ASTN1: variants seen among roughly 807,000 people sequenced by gnomAD.
ASTN1 encodes the protein astrotactin 1, also known as astrotactin-1.
A neutral mutation model predicts 140.7 loss-of-function variants in ASTN1; 41 were observed. The observed-to-expected ratio is 0.29, with a 90% CI of 0.23 to 0.38. ASTN1 has a LOEUF of 0.38. ASTN1 is among the 10% of genes least tolerant of loss of function. The pLI is 1.00. For synonymous variants in ASTN1, 640 were observed against 652.2 expected (o/e 0.98, Z 0.29); for missense variants, 1,479 against 1,678.8 (o/e 0.88, Z 2.08).
chr1:177,111,421 C>T (rs1162170036), intron 1 of ASTN1, among the ~76,000 whole-genome samples: 1 of 149,376 alleles, frequency 6.7e-6, no homozygotes, highest in African/African-American at 2.5e-5. Flanking sequence ...GTCTGATTCA[C>T]CAGGTCTGGG....
chr1:176,964,609 G>C (rs1479919715), intron 9 of ASTN1, among the ~76,000 whole-genome samples: 1 of 152,158 alleles, frequency 6.6e-6, no homozygotes, highest in Middle Eastern at 3.2e-3. Context: ...AAATTTGGGA[G>C]GGAGTAGAAG....
At chr1:177,079,674 A>G (rs912508182) in intron 1 of ASTN1, among the ~76,000 whole-genome samples, 1 of 152,058 alleles carries the variant, frequency 6.6e-6, no homozygotes, top group African/African-American at 2.4e-5. Context: ...CCCAAACAAT[A>G]TAAAACCTGA....
At chr1:177,134,594 G>T (rs1682098529) in intron 1 of ASTN1, among the ~76,000 whole-genome samples, 1 of 152,176 alleles carries the variant, frequency 6.6e-6, no homozygotes, top group African/African-American at 2.4e-5. Flanking sequence ...GCTTTAAAGA[G>T]ATACAAAGGA....
chr1:176,913,877 G>A (rs921155800), intron 16 of ASTN1, among the ~76,000 whole-genome samples: 1 of 152,202 alleles, frequency 6.6e-6, no homozygotes, highest in Non-Finnish European at 1.5e-5. Context: ...TCAAGGGCTT[G>A]GGGGAAGAAG....
At chr1:177,002,376 AACACACACACACACACACACAC>A (rs3979529) in intron 8 of ASTN1, among the ~76,000 whole-genome samples, 2 of 148,584 alleles carry the variant, frequency 1.3e-5, no homozygotes, top group African/African-American at 2.5e-5. Flanking sequence ...CTTACACACA[AACACACACACACACACACACAC>A]ACACACACAC....
At chr1:176,869,140 TA>T in intron 21 of ASTN1, 113 bp from the exon 22 acceptor site, 20 of 694,376 alleles carry the variant, frequency 2.9e-5, no homozygotes, top group Non-Finnish European at 3.6e-5. Flanking sequence ...TAAACATATG[TA>T]GATCATTTAT....
chr1:176,861,663 T>C lies in ASTN1; in HGVS notation c.*2621A>G, dbSNP rs1571423201. On this transcript the variant is annotated 3_prime_UTR_variant, in exon 23 of 23. Coordinates refer to ENST00000361833, the MANE Select transcript of ASTN1 (RefSeq NM_004319.3). ...TGTAAGTAGGAGCCAGTCATAGGAGTTGTGTGCATTGTGTGTGCACACGTG... is the reference window on the plus strand; with the variant it reads ...TGTAAGTAGGAGCCAGTCATAGGAGCTGTGTGCATTGTGTGTGCACACGTG... The C allele has an allele frequency of 3.0e-6, 3 of 984,940 alleles. No homozygotes were observed. The highest frequency in any genetic ancestry group is 3.6e-6 in the Non-Finnish European group (3 of 829,888). The allele number at this position is 984,940 out of a possible 1,614,324, so 61.0% of individuals were successfully genotyped here. A position where few individuals can be genotyped will look rare whatever the true frequency, so the allele number is the denominator to read the frequency against.
intron 2 of ASTN1, among the ~76,000 whole-genome samples, chr1:177,054,592 T>G (rs1383922057): frequency 2.6e-5 from 4 of 152,190 alleles, no homozygotes; most frequent in African/African-American, 7.2e-5. Flanking sequence ...TAACCTGATA[T>G]GAAAGCTTTG....
intron 1 of ASTN1, among the ~76,000 whole-genome samples, chr1:177,141,812 C>A (rs1023996281): frequency 6.6e-6 from 1 of 152,250 alleles, no homozygotes; most frequent in Admixed American, 6.5e-5. Flanking sequence ...GTCTACTCAA[C>A]TCCAACAATA....
intron 15 of ASTN1, 34 bp from the exon 16 acceptor site, chr1:176,934,374 G>A (rs956106594): frequency 6.4e-7 from 1 of 1,559,204 alleles, no homozygotes; most frequent in African/African-American, 1.4e-5. Flanking sequence ...GTAAGAATGA[G>A]GGCTCAGATT....
chr1:176,970,552 G>GAGATAGGT (rs1558000151), intron 8 of ASTN1, among the ~76,000 whole-genome samples: 2 of 150,198 alleles, frequency 1.3e-5, no homozygotes, highest in East Asian at 3.9e-4. Flanking sequence ...AGAAGAAATA[G>GAGATAGGT]AGATAGGTAG....
In ASTN1 at chr1:177,012,115, A is replaced by G. The variant is rs1323191988; in HGVS notation, c.1523+2676T>C. ...TAAATAAAATATTCAGGAAAATCAG[A>G]CATACCATTGATTTTTCCATAATAC... On this transcript the variant is annotated intron_variant, in intron 8 of 22. Coordinates refer to ENST00000361833, the MANE Select transcript of ASTN1 (RefSeq NM_004319.3). Among the ~76,000 whole-genome samples, 141 of 152,340 alleles carry G rather than the reference A, an allele frequency of 9.3e-4. 4 individuals are homozygous for G. The highest frequency in any genetic ancestry group is 4.4e-5 in the Non-Finnish European group (3 of 68,040).
rs1443367901 is a variant in ASTN1, at chr1:176,985,855, C to CT, written c.1524-20619_1524-20618insA. ...CTCTCTCTCTCTCTCTACACACACA[C>CT]ACACACACACACACACACACACACA... On this transcript the variant is annotated intron_variant, in intron 8 of 22. Coordinates refer to ENST00000361833, the MANE Select transcript of ASTN1 (RefSeq NM_004319.3). 3.6e-4 allele frequency among the ~76,000 whole-genome samples: 52 copies of CT among 145,432 alleles called. No individual in the cohort carries two copies. The Middle Eastern group carries it at 0.011, about 30-fold the overall frequency.
chr1:177,158,487 T>C (rs1446338389), intron 1 of ASTN1, among the ~76,000 whole-genome samples: 2 of 152,172 alleles, frequency 1.3e-5, no homozygotes, highest in East Asian at 3.9e-4. Flanking sequence ...AGAGCTCTTT[T>C]TGCCATCTGT....
At chr1:176,956,709 C>T (rs1424930030) in intron 11 of ASTN1, among the ~76,000 whole-genome samples, 8 of 152,086 alleles carry the variant, frequency 5.3e-5, no homozygotes, top group East Asian at 1.9e-4. Context: ...ATTCTGCCTT[C>T]GAAGAAGGGA....
rs1677900369 is a variant in ASTN1 at position 177,058,125 on chromosome 1, A to G, written c.471+2953T>C. Among the ~76,000 whole-genome samples the G allele has an allele frequency of 2.0e-5, 3 of 152,314 alleles. No homozygotes were observed. In the South Asian group the frequency reaches 6.2e-4, roughly 32 times the overall value. On this transcript the variant is annotated intron_variant, in intron 2 of 22. Coordinates refer to ENST00000361833, the MANE Select transcript of ASTN1 (RefSeq NM_004319.3). Reference sequence around the variant, plus strand: ...GTGTATGGAATGGGAATTGAGGACAATGAGACGGCTAGGTGGGCTGCAGTA... The same window carrying G: ...GTGTATGGAATGGGAATTGAGGACAGTGAGACGGCTAGGTGGGCTGCAGTA...
At chr1:176,881,242 A>G (rs1211497236) in intron 20 of ASTN1, among the ~76,000 whole-genome samples, 1 of 152,200 alleles carries the variant, frequency 6.6e-6, no homozygotes, top group Non-Finnish European at 1.5e-5. Flanking sequence ...CTCAATAAAC[A>G]GCATTCACAG....
intron 1 of ASTN1, among the ~76,000 whole-genome samples, chr1:177,086,117 C>A (rs1245232800): frequency 1.3e-5 from 2 of 152,072 alleles, no homozygotes; most frequent in African/African-American, 4.8e-5. Flanking sequence ...TCCAGGATTT[C>A]TCTGCGCTAT....
chr1:177,097,829 G>T (rs1470265381), intron 1 of ASTN1, among the ~76,000 whole-genome samples: 1 of 152,048 alleles, frequency 6.6e-6, no homozygotes, highest in Non-Finnish European at 1.5e-5. Flanking sequence ...AATCGATTAC[G>T]CCTATATAAT....
Sources: gnomAD v4.1 joint callset for allele counts (sites outside exome capture counted in the v4.1 genomes callset) on GRCh38, gnomAD v4.1.1 for gene constraint, MANE v1.5 for transcripts, NCBI Gene and HGNC (gene_info 2026-07-23, HGNC 2026-07-21) for gene names.